The following DCAF8 variants were observed in gnomAD, a reference collection of about 807,000 sequenced individuals.
DCAF8 encodes DDB1 and CUL4 associated factor 8, also known as DDB1- and CUL4-associated factor 8.
DCAF8 carries 20 observed loss-of-function variants against 68.0 expected under a neutral mutation model. That is an observed-to-expected ratio of 0.29 (90% CI 0.21 to 0.43). The LOEUF (loss-of-function observed/expected upper bound fraction) is 0.43, where lower values mean the gene tolerates loss of function less well. DCAF8 is among the 20% of genes least tolerant of loss of function. The pLI is 1.00. For missense variants in DCAF8, 460 were observed against 771.0 expected, an observed-to-expected ratio of 0.60 and a Z score of 4.78; for synonymous variants, 230 against 276.9, an observed-to-expected ratio of 0.83 and a Z score of 1.68.
At chr1:160,256,449 G>A (rs1656838096) in intron 2 of DCAF8, among the ~76,000 whole-genome samples, 1 of 152,080 alleles carries the variant, frequency 6.6e-6, no homozygotes, top group Admixed American at 6.6e-5. Context: ...TGGATTCTAA[G>A]TAAGGTTAAC....
intron 11 of DCAF8, chr1:160,221,075 T>A (rs931157523): frequency 2.0e-5 from 3 of 152,220 alleles, no homozygotes; most frequent in Non-Finnish European, 4.4e-5. Flanking sequence ...CCCAAGTAGA[T>A]GCCTTCCTCA....
chr1:160,233,752 T>C (rs898976294), intron 6 of DCAF8, among the ~76,000 whole-genome samples: 2 of 152,188 alleles, frequency 1.3e-5, no homozygotes, highest in Non-Finnish European at 2.9e-5. Flanking sequence ...GTAATCCTGC[T>C]GAAGAGCTCA....
At chr1:160,217,748 G>A (rs766547676) in intron 13 of DCAF8, 40 bp from the exon 14 acceptor site, 5 of 1,522,788 alleles carry the variant, frequency 3.3e-6, no homozygotes, top group Admixed American at 1.7e-5. Context: ...TCCCTGGATG[G>A]AACAAGGACA....
intron 2 of DCAF8, among the ~76,000 whole-genome samples, chr1:160,248,404 G>A (rs1656445138): frequency 6.6e-6 from 1 of 152,132 alleles, no homozygotes; most frequent in Non-Finnish European, 1.5e-5. Context: ...ACATGTATTT[G>A]ATCAAGGACA....
intron 5 of DCAF8, 53 bp from the exon 6 acceptor site, chr1:160,237,282 C>T: frequency 8.0e-7 from 1 of 1,245,258 alleles, no homozygotes; most frequent in Non-Finnish European, 1.1e-6. Context: ...AATTAGAGGT[C>T]ATCTAGTTCA....
Position 160,218,318 on chromosome 1 carries a change from G to A in DCAF8, c.1677+6C>T. 6.2e-7 allele frequency: 1 copy of A among 1,610,226 alleles called. No individual in the cohort carries two copies. Among genetic ancestry groups the A allele is most frequent in the Non-Finnish European group, 8.5e-7 (1 of 1,176,494 alleles). On this transcript the variant is annotated splice_donor_region_variant and intron_variant, in intron 13 of 13. Coordinates refer to ENST00000368074, the MANE Select transcript of DCAF8 (RefSeq NM_015726.4). The stretch of plus-strand genomic sequence containing the variant: ...CCTTGGGAATTCATTTCCAACCCTA[G>A]CTTACCCGGTGATGGCGTCTCTGTC...
chr1:160,241,020 C>T (rs1239258704), intron 3 of DCAF8, among the ~76,000 whole-genome samples: 1 of 152,018 alleles, frequency 6.6e-6, no homozygotes, highest in Non-Finnish European at 1.5e-5. Context: ...AAAAATTAGC[C>T]GGGCGCCTGT....
intron 2 of DCAF8, among the ~76,000 whole-genome samples, chr1:160,257,715 C>T (rs1225937619): frequency 6.6e-6 from 1 of 152,184 alleles, no homozygotes; most frequent in Non-Finnish European, 1.5e-5. Context: ...GGCACTGGAA[C>T]TGATTCTTTT....
chr1:160,259,039 C>A (rs146720622), intron 2 of DCAF8, among the ~76,000 whole-genome samples: 1 of 152,188 alleles, frequency 6.6e-6, no homozygotes, highest in South Asian at 2.1e-4. Context: ...AGAATTTAGA[C>A]CCTGGATGAT....
At chr1:160,227,733 A>G (rs886280099) in intron 7 of DCAF8, among the ~76,000 whole-genome samples, 10 of 152,226 alleles carry the variant, frequency 6.6e-5, no homozygotes, top group African/African-American at 1.7e-4. Context: ...CATAAACAAC[A>G]TGTAAAGTAA....
chr1:160,239,810 G>A lies in DCAF8; in HGVS notation c.610C>T (p.Arg204Cys), dbSNP rs755017154. 8 of 1,614,104 alleles carry A rather than the reference G, an allele frequency of 5.0e-6. No individual in the cohort carries two copies. The highest frequency in any genetic ancestry group is 1.7e-5 in the Admixed American group (1 of 60,010). ...GCVNTLHFNQ[R>C]GTWLASGSDD... ...CTGCCACTGGCCAGCCAGGTGCCGC[G>A]CTGGTTAAAGTGCAGGGTATTGACA... The change falls in exon 4 of 14, where the codon CGC (arginine) becomes TGC (cysteine). Residue 204 changes from arginine to cysteine, a missense_variant. Physicochemically the swap from Arg to Cys is radical, Grantham distance 180 (BLOSUM62 -3). This residue lies in a region of DCAF8 where 170 missense variants were observed against 318.2 expected (regional missense o/e 0.53). Transcript: ENST00000368074.
At chr1:160,242,777 T>C (rs1402028874) in intron 3 of DCAF8, among the ~76,000 whole-genome samples, 1 of 152,194 alleles carries the variant, frequency 6.6e-6, no homozygotes, top group Non-Finnish European at 1.5e-5. Flanking sequence ...GGCATGACTG[T>C]ATTCCAATAA....
At chr1:160,234,923 T>TA (rs374873494) in intron 6 of DCAF8, among the ~76,000 whole-genome samples, 8 of 152,340 alleles carry the variant, frequency 5.3e-5, no homozygotes, top group South Asian at 2.1e-4. Context: ...TCCCCAAGCC[T>TA]AAAACATTTC....
intron 2 of DCAF8, among the ~76,000 whole-genome samples, chr1:160,254,161 A>G (rs1158670109): frequency 6.6e-6 from 1 of 152,082 alleles, no homozygotes; most frequent in Non-Finnish European, 1.5e-5. Context: ...GTCTCTACTA[A>G]AAATACAAAA....
In DCAF8 at chr1:160,258,210, G is replaced by A. The variant is rs567312501; in HGVS notation, c.-27+3075C>T. On this transcript the variant is annotated intron_variant, in intron 2 of 13. Coordinates refer to ENST00000368074, the MANE Select transcript of DCAF8 (RefSeq NM_015726.4). ...AAAAATACAAAAATTAGCCAGGTAC[G>A]GTGGCGTGCACCTGTAGTCCCAGCT... Among the ~76,000 whole-genome samples, 59 of 152,214 alleles carry A rather than the reference G, an allele frequency of 3.9e-4. No homozygotes were observed. In the South Asian group the frequency reaches 0.01, roughly 27 times the overall value.
intron 6 of DCAF8, 97 bp from the exon 7 acceptor site, chr1:160,231,504 C>T: frequency 1.3e-6 from 1 of 775,868 alleles, no homozygotes; most frequent in Non-Finnish European, 2.2e-6. Context: ...TAATAAGAAA[C>T]CAAAGAGATT....
intron 2 of DCAF8, among the ~76,000 whole-genome samples, chr1:160,244,251 G>A (rs1284167851): frequency 6.6e-6 from 1 of 152,062 alleles, no homozygotes; most frequent in Non-Finnish European, 1.5e-5. Flanking sequence ...TTTTTGGGGA[G>A]GTCAAGTGCC....
chr1:160,262,196 A>T (rs914097739), intron 1 of DCAF8: 5 of 396,914 alleles, frequency 1.3e-5, no homozygotes, highest in Middle Eastern at 6.2e-4. Flanking sequence ...AGAGCTTGGG[A>T]TACGGGTCAG....
At chr1:160,238,949 T>C (rs1051316740) in intron 4 of DCAF8, 2 of 658,612 alleles carry the variant, frequency 3.0e-6, no homozygotes, top group Admixed American at 3.8e-5. Context: ...CTTCCTTTGA[T>C]GTAAGAGAGC....
Sources: allele counts gnomAD v4.1 joint callset (sites outside exome capture counted in the v4.1 genomes callset), GRCh38; gene constraint gnomAD v4.1.1; regional missense constraint gnomAD v4.1.1; transcripts MANE v1.5; gene names NCBI Gene and HGNC (gene_info 2026-07-23, HGNC 2026-07-21).